MYH11: variants seen among roughly 807,000 people sequenced by gnomAD.
MYH11 encodes myosin-11.
A neutral mutation model predicts 246.6 loss-of-function variants in MYH11; 80 were observed. The ratio of observed to expected loss-of-function variants is 0.32; its 90% confidence interval spans 0.27 to 0.39. MYH11 has a LOEUF of 0.39. MYH11 is among the 10% of genes least tolerant of loss of function. MYH11 has a pLI of 1.00. For synonymous variants in MYH11, 1,071 were observed against 1,015.5 expected (o/e 1.05, Z -1.04); for missense variants, 2,158 against 2,546.8 (o/e 0.85, Z 3.29).
At chr16:15,734,907 C>T (rs186534408) in intron 26 of MYH11, among the ~76,000 whole-genome samples, 18 of 152,178 alleles carry the variant, frequency 1.2e-4, no homozygotes, top group African/African-American at 4.3e-4. Flanking sequence ...GGGTCGGGTG[C>T]AGTGGCTCAC....
At position 15,776,067 on chromosome 16, in the gene MYH11, T is replaced by C; in HGVS notation, c.889+11A>G. 2 of 1,584,746 alleles carry C rather than the reference T, an allele frequency of 1.3e-6. No individual in the cohort carries two copies. Among genetic ancestry groups the C allele is most frequent in the Non-Finnish European group, 1.7e-6 (2 of 1,153,164 alleles). On this transcript the variant is annotated intron_variant, in intron 8 of 40. Coordinates refer to ENST00000300036, the MANE Select transcript of MYH11 (RefSeq NM_002474.3). Reference sequence around the variant, plus strand: ...AAGCCATCCAATCACATGTCATTGCTAGTCACTTACTTCTCATCTTCTCCT... The same window carrying C: ...AAGCCATCCAATCACATGTCATTGCCAGTCACTTACTTCTCATCTTCTCCT...
intron 13 of MYH11, among the ~76,000 whole-genome samples, chr16:15,756,959 C>T (rs903626403): frequency 3.3e-5 from 5 of 151,612 alleles, no homozygotes; most frequent in African/African-American, 9.7e-5. Flanking sequence ...CCACGGCGCC[C>T]GGCTGATTTT....
At chr16:15,834,481 G>T (rs1019248889) in intron 2 of MYH11, among the ~76,000 whole-genome samples, 2 of 149,712 alleles carry the variant, frequency 1.3e-5, no homozygotes, top group Non-Finnish European at 3.0e-5. Flanking sequence ...AGCCAAGATC[G>T]CTCCACTTCA....
At position 15,732,611 on chromosome 16, in the gene MYH11, C is replaced by T. The variant is rs112657320; in HGVS notation, c.3604G>A (p.Ala1202Thr). The T allele has an allele frequency of 1.6e-4, 253 of 1,614,240 alleles. 2 individuals carry two copies. The African/African-American group carries it at 2.9e-3, about 18-fold the overall frequency. Residue 1202 changes from alanine to threonine, a missense_variant, in exon 27 of 41, where the codon GCA (alanine) becomes ACA (threonine). By Grantham distance (58) the Ala-to-Thr change is moderately conservative. This residue lies in a region of MYH11 where 34 missense variants were observed against 70.4 expected (regional missense o/e 0.48). Transcript: ENST00000300036. Reference sequence around the variant, plus strand: ...TCTGTGAGCTCCTCCACCGCCTGTGCGTGTTTCTGCCTCATCTCCTGGACC... The same window carrying T: ...TCTGTGAGCTCCTCCACCGCCTGTGTGTGTTTCTGCCTCATCTCCTGGACC... ...AQVQEMRQKH[A>T]QAVEELTEQL...
At chr16:15,718,177 T>A in intron 37 of MYH11, 138 bp downstream of exon 37, 1 of 1,382,994 alleles carries the variant, frequency 7.2e-7, no homozygotes, top group Non-Finnish European at 1.0e-6. Flanking sequence ...GGATCTCTAC[T>A]CTCAGGCCCC....
At chr16:15,840,009 C>G (rs187053943) in intron 1 of MYH11, among the ~76,000 whole-genome samples, 1 of 152,018 alleles carries the variant, frequency 6.6e-6, no homozygotes, top group Non-Finnish European at 1.5e-5. Context: ...CGAGACTGCA[C>G]CATTGCACTC....
At chr16:15,839,274 T>A in intron 1 of MYH11, among the ~76,000 whole-genome samples, 1 of 151,904 alleles carries the variant, frequency 6.6e-6, no homozygotes, top group East Asian at 1.9e-4. Context: ...AATTATGCAA[T>A]AAAATAAATG....
intron 38 of MYH11, among the ~76,000 whole-genome samples, chr16:15,715,680 A>G (rs1446291427): frequency 1.3e-5 from 2 of 152,124 alleles, no homozygotes; most frequent in Non-Finnish European, 2.9e-5. Flanking sequence ...GTTGGAGTGC[A>G]GTGGTGCTCC....
At chr16:15,811,792 C>T (rs1400998519) in intron 3 of MYH11, among the ~76,000 whole-genome samples, 1 of 152,146 alleles carries the variant, frequency 6.6e-6, no homozygotes, top group Non-Finnish European at 1.5e-5. Flanking sequence ...CCAAGAGCCC[C>T]AAGCTGATAA....
intron 3 of MYH11, among the ~76,000 whole-genome samples, chr16:15,809,800 G>A (rs778342963): frequency 6.6e-6 from 1 of 151,602 alleles, no homozygotes; most frequent in Non-Finnish European, 1.5e-5. Flanking sequence ...GTGCATGCCT[G>A]TATGCAGCTA....
intron 14 of MYH11, among the ~76,000 whole-genome samples, 191 bp from the exon 15 acceptor site, chr16:15,753,699 T>C (rs1222157962): frequency 2.6e-5 from 4 of 152,038 alleles, no homozygotes; most frequent in Non-Finnish European, 5.9e-5. Context: ...TGTGCCCACG[T>C]AGTAGGACAT....
At chr16:15,707,753 C>T (rs1365633472) in intron 40 of MYH11, among the ~76,000 whole-genome samples, 3 of 152,136 alleles carry the variant, frequency 2.0e-5, no homozygotes, top group African/African-American at 2.4e-5. Flanking sequence ...GCGCGGATCA[C>T]CTGAAGTCAG....
intron 8 of MYH11, among the ~76,000 whole-genome samples, chr16:15,772,304 C>T (rs2042122517): frequency 6.6e-6 from 1 of 151,838 alleles, no homozygotes; most frequent in Non-Finnish European, 1.5e-5. Flanking sequence ...GTTGACCACA[C>T]TAGACTTGAA....
intron 19 of MYH11, 27 bp from the exon 20 acceptor site, chr16:15,745,264 G>A (rs1407313110): frequency 1.9e-6 from 3 of 1,555,858 alleles, no homozygotes; most frequent in Non-Finnish European, 2.7e-6. Context: ...AGAAGGTGCG[G>A]GGGTCATGAA....
At chr16:15,745,582 C>CTTTTTTTT (rs71981525) in intron 19 of MYH11, among the ~76,000 whole-genome samples, 51 of 94,364 alleles carry the variant, frequency 5.4e-4, no homozygotes, top group Middle Eastern at 5.8e-3. Flanking sequence ...TTCTTTCTTT[C>CTTTTTTTT]TTTTTTTTTT....
At chr16:15,819,161 C>T (rs759977631) in intron 3 of MYH11, among the ~76,000 whole-genome samples, 10 of 152,196 alleles carry the variant, frequency 6.6e-5, no homozygotes, top group Non-Finnish European at 1.2e-4. Context: ...AGACATGCTG[C>T]TGTGCTCAAT....
intron 7 of MYH11, among the ~76,000 whole-genome samples, chr16:15,777,278 C>T (rs1040612957): frequency 2.0e-5 from 3 of 152,072 alleles, no homozygotes; most frequent in South Asian, 2.1e-4. Flanking sequence ...CATGCCACCA[C>T]GCCTGGATAA....
chr16:15,726,751 C>T, intron 28 of MYH11, 97 bp downstream of exon 28: 8 of 1,399,998 alleles, frequency 5.7e-6, no homozygotes, highest in Non-Finnish European at 8.0e-6. Flanking sequence ...ACTTGCCTTG[C>T]AGCAAGAGAG....
chr16:15,750,685 A>C lies in MYH11; in HGVS notation c.1865-354T>G, dbSNP rs2041542874. On this transcript the variant is annotated intron_variant, in intron 15 of 40. Transcript: ENST00000300036. This position sits in a 1 kb window ranked among gnomAD's most constrained non-coding sequence, Gnocchi z 4.3. ...TCTACCTTCTAGGGCAGGGGTAAAAAAAAATAAGGCACAGAAGGCACTTAT... is the reference window on the plus strand; with the variant it reads ...TCTACCTTCTAGGGCAGGGGTAAAACAAAATAAGGCACAGAAGGCACTTAT... Among the ~76,000 whole-genome samples the C allele has an allele frequency of 6.6e-6, 1 of 152,074 alleles. No homozygotes were observed. Among genetic ancestry groups the C allele is most frequent in the South Asian group, 2.1e-4 (1 of 4,824 alleles).
Sources: gnomAD v4.1 joint callset for allele counts (sites outside exome capture counted in the v4.1 genomes callset) on GRCh38, gnomAD v4.1.1 for gene constraint, gnomAD v4.1.1 regional missense constraint, Gnocchi (gnomAD v3.1) non-coding constraint, MANE v1.5 for transcripts, NCBI Gene and HGNC (gene_info 2026-07-23, HGNC 2026-07-21) for gene names.